Variants in SHC3 observed in about 807,000 individuals in gnomAD.
SHC3 encodes SHC-transforming protein 3.
A neutral mutation model predicts 60.4 loss-of-function variants in SHC3; 15 were observed. The ratio of observed to expected loss-of-function variants is 0.25; its 90% CI spans 0.17 to 0.38. The LOEUF is 0.38. SHC3 is among the 10% of genes least tolerant of loss of function. SHC3 has a pLI of 1.00. For missense variants in SHC3, 677 were observed against 786.1 expected, an observed-to-expected ratio of 0.86 and a Z score of 1.66; for synonymous variants, 294 against 325.9, an observed-to-expected ratio of 0.90 and a Z score of 1.05.
chr9:89,011,275 G>GAGCT lies in SHC3; in HGVS notation c.*2168_*2171dup, dbSNP rs1564070814. Reference sequence around the variant, plus strand: ...GAACTAGACACTGACTTCACAGCAAGAGCTACTAAAGCTGCAGGTTACCAT... The same window carrying GAGCT: ...GAACTAGACACTGACTTCACAGCAAGAGCTAGCTACTAAAGCTGCAGGTTACCAT... On this transcript the variant is annotated 3_prime_UTR_variant, in exon 12 of 12. Coordinates refer to ENST00000375835, the MANE Select transcript of SHC3 (RefSeq NM_016848.6). The GAGCT allele has an allele frequency of 6.6e-6, 1 of 152,076 alleles. No homozygotes were observed. Among genetic ancestry groups the GAGCT allele is most frequent in the Non-Finnish European group, 1.5e-5 (1 of 68,010 alleles). The allele number at this position is 152,076 out of a possible 1,614,324, so 9.4% of individuals were successfully genotyped here.
At chr9:89,043,383 A>G (rs1244442708) in intron 9 of SHC3, among the ~76,000 whole-genome samples, 1 of 152,210 alleles carries the variant, frequency 6.6e-6, no homozygotes, top group Non-Finnish European at 1.5e-5. Flanking sequence ...AGTGACAGCT[A>G]TTTGCAGTTT....
intron 4 of SHC3, among the ~76,000 whole-genome samples, chr9:89,072,758 A>G (rs556140137): frequency 6.6e-6 from 1 of 152,214 alleles, no homozygotes; most frequent in African/African-American, 2.4e-5. Context: ...AACCAGGTTT[A>G]GTTCTGCAGA....
rs1564071413 is a variant in SHC3, at chr9:89,012,154, G to A, written c.*1293C>T. 1 of 152,088 alleles carries A rather than the reference G, an allele frequency of 6.6e-6. No homozygotes were observed. The highest frequency in any genetic ancestry group is 2.4e-5 in the African/African-American group (1 of 41,390). 9.4% of individuals were successfully genotyped at this position (152,088 alleles called of 1,614,324 possible). ...AAATGGATCCATCTATTCTTTAAAGGGCATCTGTGAAAATCACAGGGCAAT... is the reference window on the plus strand; with the variant it reads ...AAATGGATCCATCTATTCTTTAAAGAGCATCTGTGAAAATCACAGGGCAAT... On this transcript the variant is annotated 3_prime_UTR_variant, in exon 12 of 12. Transcript: ENST00000375835.
intron 1 of SHC3, among the ~76,000 whole-genome samples, chr9:89,157,752 A>T (rs976293952): frequency 6.6e-6 from 1 of 152,050 alleles, no homozygotes; most frequent in African/African-American, 2.4e-5. Flanking sequence ...AGTACCTGGG[A>T]CTACAGGCAT....
At chr9:89,021,525 G>A (rs147629332) in intron 11 of SHC3, among the ~76,000 whole-genome samples, 1 of 152,194 alleles carries the variant, frequency 6.6e-6, no homozygotes, top group Non-Finnish European at 1.5e-5. Flanking sequence ...CCTGAAACCT[G>A]TGTAAAAACC....
At chr9:89,150,527 A>G (rs1036557576) in intron 1 of SHC3, among the ~76,000 whole-genome samples, 1 of 152,194 alleles carries the variant, frequency 6.6e-6, no homozygotes, top group South Asian at 2.1e-4. Flanking sequence ...ATGTTGTAGC[A>G]TGGTCAGTAC....
At chr9:89,022,678 G>A (rs148961664) in intron 11 of SHC3, among the ~76,000 whole-genome samples, 1,637 of 152,204 alleles carry the variant, frequency 0.011, 10 homozygotes, top group Non-Finnish European at 0.015. Flanking sequence ...TGCACCCAGA[G>A]GACCATCCGA....
rs573173514 is a variant in SHC3, at chr9:89,135,954, T to C, written c.475-23328A>G. Among the ~76,000 whole-genome samples, 3 of 152,334 alleles carry C rather than the reference T, an allele frequency of 2.0e-5. No homozygotes were observed. In the South Asian group the frequency reaches 6.2e-4, roughly 32 times the overall value. ...GTGGAATATATTGCTGTCGTACTCC[T>C]TGTGTAGGAATGCAGGATAAGCTTA... is the stretch of plus-strand genomic sequence containing the variant. On this transcript the variant is annotated intron_variant, in intron 1 of 11. Transcript: ENST00000375835.
chr9:89,105,547 T>C lies in SHC3; in HGVS notation c.545+7009A>G, dbSNP rs530178379. 2.0e-5 allele frequency among the ~76,000 whole-genome samples: 3 copies of C among 152,352 alleles called. No individual in the cohort carries two copies. In the East Asian group the frequency reaches 5.8e-4, roughly 29 times the overall value. ...CTTGATATCCTACTTATGTATATGT[T>C]TGTGTATTTCCCTCTCCCCATAACA... On this transcript the variant is annotated intron_variant, in intron 2 of 11. Coordinates refer to ENST00000375835, the MANE Select transcript of SHC3 (RefSeq NM_016848.6).
At chr9:89,025,073 G>A (rs868230057) in intron 11 of SHC3, among the ~76,000 whole-genome samples, 16 of 152,120 alleles carry the variant, frequency 1.1e-4, no homozygotes, top group Admixed American at 1.0e-3. Flanking sequence ...CATTAATGAC[G>A]ACACTCCATC....
chr9:89,099,189 G>A (rs1360119719), intron 2 of SHC3, among the ~76,000 whole-genome samples: 1 of 152,120 alleles, frequency 6.6e-6, no homozygotes, highest in Non-Finnish European at 1.5e-5. Context: ...AAAAAATATA[G>A]CCAATAAGAT....
At chr9:89,062,172 A>C (rs1825101395) in intron 6 of SHC3, among the ~76,000 whole-genome samples, 1 of 152,234 alleles carries the variant, frequency 6.6e-6, no homozygotes, top group Admixed American at 6.5e-5. Flanking sequence ...TATATACATA[A>C]GGTTGCAGGG....
In SHC3 at chr9:89,009,481, A is replaced by C. The variant is rs1413397788; in HGVS notation, c.*3966T>G. 6.6e-6 allele frequency: 1 copy of C among 152,246 alleles called. No homozygotes were observed. The highest frequency in any genetic ancestry group is 2.1e-4 in the South Asian group (1 of 4,832). 9.4% of individuals were successfully genotyped at this position (152,246 alleles called of 1,614,324 possible). A position where few individuals can be genotyped will look rare whatever the true frequency, so the allele number is the denominator to read the frequency against. On this transcript the variant is annotated 3_prime_UTR_variant, in exon 12 of 12. Coordinates refer to ENST00000375835, the MANE Select transcript of SHC3 (RefSeq NM_016848.6). ...AAAGTTGGGCCAGCGAGAGAGAACC[A>C]ATGGGCACGCTGGGAATGCACAATT...
chr9:89,056,458 C>T (rs1296607217), intron 6 of SHC3, among the ~76,000 whole-genome samples: 4 of 152,148 alleles, frequency 2.6e-5, no homozygotes, highest in African/African-American at 2.4e-5. Context: ...AAGCTGGTCT[C>T]GAACTCCTGG....
intron 1 of SHC3, among the ~76,000 whole-genome samples, chr9:89,118,265 G>C (rs1006340345): frequency 1.4e-5 from 2 of 147,290 alleles, no homozygotes; most frequent in African/African-American, 5.0e-5. Flanking sequence ...TATTGACTTA[G>C]GGTAAAAAGA....
intron 10 of SHC3, 29 bp from the exon 11 acceptor site, chr9:89,038,317 A>C (rs759913464): frequency 6.4e-7 from 1 of 1,568,776 alleles, no homozygotes. Context: ...ACCAGCAACA[A>C]GTCAATCCCA....
chr9:89,075,006 A>G (rs1587712149), intron 4 of SHC3, 103 bp downstream of exon 4: 3 of 1,443,888 alleles, frequency 2.1e-6, no homozygotes, highest in East Asian at 4.8e-5. Context: ...AATTTGACAC[A>G]AAATATGCTA....
chr9:89,164,579 T>C (rs1011209350), intron 1 of SHC3, among the ~76,000 whole-genome samples: 3 of 152,058 alleles, frequency 2.0e-5, no homozygotes, highest in African/African-American at 7.2e-5. Context: ...TTGAATTCTG[T>C]AAGCAAGGCA....
intron 2 of SHC3, among the ~76,000 whole-genome samples, chr9:89,091,535 T>C (rs1035994908): frequency 5.9e-5 from 9 of 152,150 alleles, no homozygotes; most frequent in African/African-American, 2.2e-4. Flanking sequence ...GTGAAGGAGA[T>C]TGTCAAGACA....
Sources: allele counts gnomAD v4.1 joint callset (sites outside exome capture counted in the v4.1 genomes callset), GRCh38; gene constraint gnomAD v4.1.1; transcripts MANE v1.5; gene names NCBI Gene and HGNC (gene_info 2026-07-23, HGNC 2026-07-21).